The following BIN3 variants were observed in gnomAD, a reference collection of about 807,000 sequenced individuals.
BIN3 encodes bridging integrator 3.
A neutral mutation model predicts 38.2 loss-of-function variants in BIN3; 41 were observed. The ratio of observed to expected loss-of-function variants is 1.07; its 90% CI spans 0.84 to 1.39. BIN3 has a LOEUF of 1.39. Among genes scored for constraint, BIN3 ranks in the 40% most tolerant of loss-of-function variants. The probability of loss-of-function intolerance (pLI) is 0.00; values close to 1 mark genes in which losing one functional copy is unlikely to be tolerated. For missense variants in BIN3, 361 were observed against 324.3 expected (o/e 1.11, Z -0.87); for synonymous variants, 145 against 122.6 (o/e 1.18, Z -1.21).
intron 1 of BIN3, among the ~76,000 whole-genome samples, chr8:22,663,219 T>C (rs1260678002): frequency 1.3e-5 from 2 of 151,524 alleles, no homozygotes; most frequent in Non-Finnish European, 2.9e-5. Flanking sequence ...TGTGTGTGTG[T>C]GTGTGTGTGT....
intron 6 of BIN3, chr8:22,624,703 G>C (rs2117499395): frequency 3.8e-6 from 1 of 264,400 alleles, no homozygotes; most frequent in East Asian, 8.6e-5. Context: ...CAGGAATGAA[G>C]GGTGCCCTGA....
intron 1 of BIN3, among the ~76,000 whole-genome samples, chr8:22,658,780 T>C (rs529117007): frequency 2.0e-5 from 3 of 152,216 alleles, no homozygotes; most frequent in African/African-American, 7.2e-5. Context: ...ACCCACAGTT[T>C]TGGGGGCGAG....
intron 6 of BIN3, chr8:22,625,226 C>G (rs779342044): frequency 1.0e-5 from 7 of 683,280 alleles, no homozygotes; most frequent in Non-Finnish European, 1.6e-5. Flanking sequence ...CCTCTAGTGA[C>G]CAGGAGCAGT....
chr8:22,623,299 C>T (rs913716025), intron 8 of BIN3, among the ~76,000 whole-genome samples: 1 of 152,182 alleles, frequency 6.6e-6, no homozygotes, highest in Non-Finnish European at 1.5e-5. Flanking sequence ...ACTCCGTGTC[C>T]TCCCGTCCCC....
chr8:22,636,650 G>T, intron 3 of BIN3, 64 bp from the exon 4 acceptor site: 1 of 1,508,504 alleles, frequency 6.6e-7, no homozygotes, highest in East Asian at 2.5e-5. Flanking sequence ...CGAAGCCCAG[G>T]TGCTCTGGAG....
intron 1 of BIN3, among the ~76,000 whole-genome samples, chr8:22,660,557 G>A (rs1803199825): frequency 6.6e-6 from 1 of 152,204 alleles, no homozygotes; most frequent in Non-Finnish European, 1.5e-5. Flanking sequence ...AAGGAAGATG[G>A]CTGGATGGAA....
intron 1 of BIN3, among the ~76,000 whole-genome samples, chr8:22,654,780 C>T (rs1803005348): frequency 6.6e-6 from 1 of 152,102 alleles, no homozygotes; most frequent in East Asian, 1.9e-4. Context: ...TTAATGAATG[C>T]TGTGACAAAC....
rs368931221 is a variant in BIN3 at position 22,636,909 on chromosome 8, G to A, written c.98+13C>T. 1 of 1,611,062 alleles carries A rather than the reference G, an allele frequency of 6.2e-7. No homozygotes were observed. Among genetic ancestry groups the A allele is most frequent in the Non-Finnish European group, 8.5e-7 (1 of 1,177,410 alleles). Reference sequence around the variant, plus strand: ...CCTGCCTCCCACCTCATCTTTCTGGGGTTGACACTCACTGCTGAAGTTTTC... The same window carrying A: ...CCTGCCTCCCACCTCATCTTTCTGGAGTTGACACTCACTGCTGAAGTTTTC... On this transcript the variant is annotated intron_variant, in intron 3 of 8. Transcript: ENST00000276416.
intron 1 of BIN3, among the ~76,000 whole-genome samples, chr8:22,653,981 G>C (rs1011893216): frequency 2.6e-5 from 4 of 152,106 alleles, no homozygotes; most frequent in Admixed American, 6.6e-5. Context: ...GAGATGTTAG[G>C]GCTCTAAACT....
intron 6 of BIN3, among the ~76,000 whole-genome samples, chr8:22,628,692 C>A (rs1179030462): frequency 1.3e-5 from 2 of 152,212 alleles, no homozygotes; most frequent in Non-Finnish European, 2.9e-5. Flanking sequence ...TGAGTCCCTG[C>A]CTCATTCTAC....
chr8:22,648,276 G>A (rs1802775546), intron 1 of BIN3, among the ~76,000 whole-genome samples: 1 of 152,122 alleles, frequency 6.6e-6, no homozygotes, highest in Admixed American at 6.5e-5. Context: ...AACAGTGAGA[G>A]TCAAGACTAT....
At chr8:22,639,119 G>C (rs1233437095) in intron 2 of BIN3, among the ~76,000 whole-genome samples, 1 of 152,204 alleles carries the variant, frequency 6.6e-6, no homozygotes, top group African/African-American at 2.4e-5. Flanking sequence ...TCTGTACTTT[G>C]GTGTCAGCCT....
At chr8:22,644,406 G>A (rs939999675) in intron 2 of BIN3, among the ~76,000 whole-genome samples, 5 of 152,240 alleles carry the variant, frequency 3.3e-5, no homozygotes, top group Non-Finnish European at 5.9e-5. Context: ...TGTCTTTGGT[G>A]GGGGCCACTC....
chr8:22,630,058 C>G (rs560930220), intron 5 of BIN3, 54 bp from the exon 6 acceptor site: 8 of 1,529,148 alleles, frequency 5.2e-6, no homozygotes, highest in Non-Finnish European at 6.3e-6. Context: ...GAGGGCGACA[C>G]GCAAGGCAGG....
intron 2 of BIN3, among the ~76,000 whole-genome samples, chr8:22,640,635 C>T (rs969917107): frequency 5.3e-5 from 8 of 152,176 alleles, no homozygotes; most frequent in East Asian, 1.9e-4. Context: ...ACACAGGGGG[C>T]GCTCTTTGGG....
At chr8:22,668,367 A>G (rs1273760252) in intron 1 of BIN3, among the ~76,000 whole-genome samples, 1 of 152,198 alleles carries the variant, frequency 6.6e-6, no homozygotes, top group South Asian at 2.1e-4. Flanking sequence ...TTGTGACTCT[A>G]TTACTCTAAG....
intron 1 of BIN3, among the ~76,000 whole-genome samples, chr8:22,645,894 C>T (rs1802699395): frequency 6.6e-6 from 1 of 152,182 alleles, no homozygotes; most frequent in Non-Finnish European, 1.5e-5. Flanking sequence ...AAGCTGCTAA[C>T]TTGGAAAATA....
chr8:22,624,967 T>TCA lies in BIN3; in HGVS notation c.339-606_339-605dup, dbSNP rs1801959900. On this transcript the variant is annotated intron_variant, in intron 6 of 8. Transcript: ENST00000276416. ...CAGGTGGCAGAACTGAAATCTAAAC[T>TCA]CACCCCTGCCCCAGGGCACCTTCTC... 13 of 280,158 alleles carry TCA rather than the reference T, an allele frequency of 4.6e-5. No individual in the cohort carries two copies. In the South Asian group the frequency reaches 9.6e-4, roughly 21 times the overall value. 17.4% of individuals were successfully genotyped at this position (280,158 alleles called of 1,614,324 possible). A position where few individuals can be genotyped will look rare whatever the true frequency, so the allele number is the denominator to read the frequency against.
intron 1 of BIN3, among the ~76,000 whole-genome samples, chr8:22,656,062 G>T (rs1803047175): frequency 6.6e-6 from 1 of 151,982 alleles, no homozygotes; most frequent in African/African-American, 2.4e-5. Flanking sequence ...TTCACTAGCT[G>T]TGTGCTCTCA....
Sources: gnomAD v4.1 joint callset for allele counts (sites outside exome capture counted in the v4.1 genomes callset) on GRCh38, gnomAD v4.1.1 for gene constraint, MANE v1.5 for transcripts, NCBI Gene and HGNC (gene_info 2026-07-23, HGNC 2026-07-21) for gene names.